The following EXOC6B variants were observed in gnomAD, a reference collection of about 807,000 sequenced individuals.
The protein encoded by EXOC6B is exocyst complex component 6B.
Under a neutral mutation model 113.5 loss-of-function variants are expected in EXOC6B, and 54 were observed. The ratio of observed to expected loss-of-function variants is 0.48; its 90% CI spans 0.38 to 0.60. The LOEUF (loss-of-function observed/expected upper bound fraction) is 0.60, where lower values mean the gene tolerates loss of function less well. Among genes scored for constraint, EXOC6B ranks in the 20% least tolerant of loss-of-function variants. The pLI is 0.00. For missense variants in EXOC6B, 797 were observed against 977.5 expected, an observed-to-expected ratio of 0.82 and a Z score of 2.46; for synonymous variants, 357 against 339.0, an observed-to-expected ratio of 1.05 and a Z score of -0.58.
chr2:72,502,410 T>C (rs1700373633), intron 11 of EXOC6B, among the ~76,000 whole-genome samples: 1 of 152,160 alleles, frequency 6.6e-6, no homozygotes, highest in South Asian at 2.1e-4. Context: ...TAGCTGAGCA[T>C]GGTGGCGCAT....
intron 1 of EXOC6B, among the ~76,000 whole-genome samples, chr2:72,801,705 G>A (rs1423900620): frequency 6.6e-6 from 1 of 152,106 alleles, no homozygotes. Context: ...AAATTTGAAG[G>A]GGTACTGTAG....
chr2:72,547,769 G>C (rs559228174), intron 8 of EXOC6B, among the ~76,000 whole-genome samples: 2 of 152,212 alleles, frequency 1.3e-5, no homozygotes, highest in African/African-American at 4.8e-5. Context: ...CTACAAGACA[G>C]AATAGTTTGT....
At chr2:72,820,012 A>G (rs1307116870) in intron 1 of EXOC6B, among the ~76,000 whole-genome samples, 1 of 152,214 alleles carries the variant, frequency 6.6e-6, no homozygotes, top group Admixed American at 6.5e-5. Context: ...TGATCTCTGT[A>G]AAGATGAATT....
intron 20 of EXOC6B, among the ~76,000 whole-genome samples, chr2:72,233,343 G>A (rs1282342481): frequency 1.3e-5 from 2 of 152,054 alleles, no homozygotes; most frequent in Non-Finnish European, 2.9e-5. Context: ...AAACCATGTC[G>A]GGACCCATCA....
At chr2:72,702,772 T>C (rs1410883208) in intron 6 of EXOC6B, among the ~76,000 whole-genome samples, 1 of 111,360 alleles carries the variant, frequency 9.0e-6, no homozygotes, top group East Asian at 2.9e-4. Flanking sequence ...TGGGGTTGTT[T>C]GTTTTTTTCT....
intron 18 of EXOC6B, among the ~76,000 whole-genome samples, chr2:72,401,932 GAA>G (rs1201405471): frequency 1.3e-5 from 2 of 150,978 alleles, no homozygotes; most frequent in Admixed American, 1.3e-4. Flanking sequence ...ACAAATGCAA[GAA>G]GATAATGAGA....
chr2:72,575,429 C>T (rs1704773683), intron 7 of EXOC6B, 63 bp downstream of exon 7: 1 of 1,462,714 alleles, frequency 6.8e-7, no homozygotes, highest in Non-Finnish European at 9.3e-7. Flanking sequence ...CTCTTCATCA[C>T]ATCTCAACCA....
intron 15 of EXOC6B, among the ~76,000 whole-genome samples, chr2:72,494,147 G>A (rs938860249): frequency 6.6e-6 from 1 of 151,948 alleles, no homozygotes; most frequent in African/African-American, 2.4e-5. Context: ...ACATATTCAG[G>A]CAAGAAAAAG....
chr2:72,694,028 A>C (rs1677689763), intron 6 of EXOC6B, among the ~76,000 whole-genome samples: 1 of 152,178 alleles, frequency 6.6e-6, no homozygotes. Flanking sequence ...CTTTTGAGGA[A>C]GTGTTGATCT....
chr2:72,233,867 G>A (rs1051777262), intron 20 of EXOC6B, among the ~76,000 whole-genome samples: 2 of 152,140 alleles, frequency 1.3e-5, no homozygotes, highest in Non-Finnish European at 1.5e-5. Flanking sequence ...CTAGTAGCCA[G>A]GTGGGCAATG....
intron 18 of EXOC6B, among the ~76,000 whole-genome samples, chr2:72,402,655 T>C (rs1380178963): frequency 6.6e-6 from 1 of 152,208 alleles, no homozygotes; most frequent in Admixed American, 6.5e-5. Context: ...TCTGTCAATG[T>C]ATTTTGCTAC....
chr2:72,672,199 T>G (rs1247638983), intron 6 of EXOC6B, among the ~76,000 whole-genome samples: 1 of 21,874 alleles, frequency 4.6e-5, no homozygotes, highest in Non-Finnish European at 1.1e-4. Flanking sequence ...TGGGTATATA[T>G]CCAAAAAAAA....
At chr2:72,475,427 T>G (rs375756372) in intron 17 of EXOC6B, among the ~76,000 whole-genome samples, 1 of 152,120 alleles carries the variant, frequency 6.6e-6, no homozygotes, top group Admixed American at 6.5e-5. Flanking sequence ...AGGTGGTGTA[T>G]GCAGGTAGGT....
intron 17 of EXOC6B, among the ~76,000 whole-genome samples, chr2:72,475,583 A>C (rs1464810516): frequency 6.6e-6 from 1 of 152,092 alleles, no homozygotes; most frequent in Non-Finnish European, 1.5e-5. Context: ...GTGGCAGGTC[A>C]AAGCTGAGCC....
In EXOC6B at chr2:72,564,570, C is replaced by T. The variant is rs780230283; in HGVS notation, c.847-5049G>A. 5.5e-4 allele frequency among the ~76,000 whole-genome samples: 84 copies of T among 152,240 alleles called. 1 individual carries two copies. In the Middle Eastern group the frequency reaches 0.014, roughly 25 times the overall value. On this transcript the variant is annotated intron_variant, in intron 7 of 21. Coordinates refer to ENST00000272427, the MANE Select transcript of EXOC6B (RefSeq NM_015189.3). Reference sequence around the variant, plus strand: ...AGCACTGACTTTGCATTCAGAGGATCAATTTTGACAGCCCATATTATGTCT... The same window carrying T: ...AGCACTGACTTTGCATTCAGAGGATTAATTTTGACAGCCCATATTATGTCT...
intron 17 of EXOC6B, among the ~76,000 whole-genome samples, chr2:72,477,507 A>G (rs1046178770): frequency 6.6e-6 from 1 of 152,162 alleles, no homozygotes; most frequent in Non-Finnish European, 1.5e-5. Flanking sequence ...CTACCTCCCA[A>G]TTAGACTTTC....
At chr2:72,641,874 C>A (rs564148104) in intron 6 of EXOC6B, among the ~76,000 whole-genome samples, 17 of 152,360 alleles carry the variant, frequency 1.1e-4, no homozygotes, top group African/African-American at 3.6e-4. Context: ...GAGGAAGGAT[C>A]AGGCAGCAAT....
At chr2:72,586,504 G>A (rs1161868172) in intron 6 of EXOC6B, among the ~76,000 whole-genome samples, 1 of 152,114 alleles carries the variant, frequency 6.6e-6, no homozygotes, top group East Asian at 1.9e-4. Context: ...TGTAATTCCA[G>A]CACTTTGGGA....
intron 20 of EXOC6B, among the ~76,000 whole-genome samples, chr2:72,199,160 C>A (rs1679342140): frequency 6.6e-6 from 1 of 152,154 alleles, no homozygotes; most frequent in South Asian, 2.1e-4. Flanking sequence ...TTCTGACAAC[C>A]ACTAGGCTGT....
Sources: allele counts gnomAD v4.1 joint callset (sites outside exome capture counted in the v4.1 genomes callset), GRCh38; gene constraint gnomAD v4.1.1; transcripts MANE v1.5; gene names NCBI Gene and HGNC (gene_info 2026-07-23, HGNC 2026-07-21).